NHS: variants seen among roughly 807,000 people sequenced by gnomAD.
The protein encoded by NHS is actin remodeling regulator NHS.
A neutral mutation model predicts 72.5 loss-of-function variants in NHS; 5 were observed. The observed-to-expected ratio is 0.07, with a 90% CI of 0.04 to 0.14. NHS has a LOEUF of 0.14. Ranked by LOEUF, NHS falls within the 10% of genes least tolerant of loss-of-function variation. The pLI, the probability that NHS is intolerant of heterozygous loss-of-function variation, is 1.00. For synonymous variants in NHS, 464 were observed against 547.7 expected, an observed-to-expected ratio of 0.85 and a Z score of 2.13; for missense variants, 1,072 against 1,355.7, an observed-to-expected ratio of 0.79 and a Z score of 3.29.
intron 1 of NHS, among the ~76,000 whole-genome samples, chrX:17,447,598 A>G (rs2064786969): frequency 9.0e-6 from 1 of 111,562 alleles, no homozygotes; most frequent in Non-Finnish European, 1.9e-5. Context: ...ACTAATGATG[A>G]GGAAAAGGAA....
intron 1 of NHS, among the ~76,000 whole-genome samples, chrX:17,531,799 T>G (rs1461854067): frequency 8.9e-6 from 1 of 112,768 alleles, no homozygotes; most frequent in Non-Finnish European, 1.9e-5. Flanking sequence ...ACCTGCTTAG[T>G]GCCTCAGCAT....
intron 1 of NHS, among the ~76,000 whole-genome samples, chrX:17,487,813 C>A (rs182478636): frequency 1.8e-5 from 2 of 111,706 alleles, no homozygotes; most frequent in South Asian, 3.8e-4. Context: ...TTTCAGGATC[C>A]AAAGCCCCCA....
chrX:17,709,376 T>G (rs917757011), intron 3 of NHS, among the ~76,000 whole-genome samples: 1 of 111,485 alleles, frequency 9.0e-6, no homozygotes, highest in Non-Finnish European at 1.9e-5. Context: ...CATTGTCATC[T>G]TGACACCCCA....
chrX:17,591,151 C>T (rs1403022597), intron 1 of NHS, among the ~76,000 whole-genome samples: 1 of 111,799 alleles, frequency 8.9e-6, no homozygotes, highest in Non-Finnish European at 1.9e-5. Context: ...CTCCTGAATA[C>T]ATCAAGTCCC....
chrX:17,541,767 AACAC>A (rs57700886), intron 1 of NHS, among the ~76,000 whole-genome samples: 712 of 62,873 alleles, frequency 0.011, 2 homozygotes, highest in East Asian at 0.03. Context: ...TGAGTTTGCG[AACAC>A]ACACACACAC....
At chrX:17,592,391 CT>C (rs1411300586) in intron 1 of NHS, among the ~76,000 whole-genome samples, 1 of 111,841 alleles carries the variant, frequency 8.9e-6, no homozygotes, top group Non-Finnish European at 1.9e-5. Flanking sequence ...AACTTACCCC[CT>C]GGGTATTCTA....
At chrX:17,466,703 C>T (rs994248970) in intron 1 of NHS, among the ~76,000 whole-genome samples, 9 of 111,775 alleles carry the variant, frequency 8.1e-5, no homozygotes, top group Non-Finnish European at 1.7e-4. Context: ...TTGTTATTAT[C>T]ACCTCAGAGG....
Position 17,726,755 on chromosome X carries a change from C to G in NHS, c.2649C>G (p.His883Gln). The G allele has an allele frequency of 8.2e-7, 1 of 1,212,131 alleles. No homozygotes were observed. Among genetic ancestry groups the G allele is most frequent in the Non-Finnish European group, 1.1e-6 (1 of 895,596 alleles). ...PKISSGQHLP[H>Q]SSREMKLPLD... Reference sequence around the variant, plus strand: ...TAAGCAGTGGTCAGCACCTGCCTCACAGTTCCAGGGAAATGAAGCTGCCTC... The same window carrying G: ...TAAGCAGTGGTCAGCACCTGCCTCAGAGTTCCAGGGAAATGAAGCTGCCTC... Residue 883 changes from histidine to glutamine, a missense_variant, in exon 7 of 9, where the codon CAC (histidine) becomes CAG (glutamine). Physicochemically the swap from His to Gln is conservative, Grantham distance 24. Coordinates refer to ENST00000676302, the MANE Select transcript of NHS (RefSeq NM_001291867.2).
In NHS at chrX:17,392,507, G is replaced by T. The variant is rs2064449899; in HGVS notation, c.565+16185G>T. 2.7e-5 allele frequency among the ~76,000 whole-genome samples: 3 copies of T among 112,067 alleles called. No individual in the cohort carries two copies. In the South Asian group the frequency reaches 1.1e-3, roughly 41 times the overall value. ...AATAAAGGATGTACTAAACTGCAGA[G>T]TTTTCTTTTTTGAGAGATACAGAAT... On this transcript the variant is annotated intron_variant, in intron 1 of 8. Coordinates refer to ENST00000676302, the MANE Select transcript of NHS (RefSeq NM_001291867.2).
At chrX:17,615,676 A>G (rs1181742913) in intron 1 of NHS, among the ~76,000 whole-genome samples, 1 of 110,444 alleles carries the variant, frequency 9.1e-6, no homozygotes, top group Admixed American at 9.7e-5. Context: ...TTCAAACCTC[A>G]TCTGTCAGGA....
intron 1 of NHS, among the ~76,000 whole-genome samples, chrX:17,679,859 AG>A (rs138011299): frequency 0.16 from 12,828 of 77,947 alleles, 1,313 homozygotes; most frequent in African/African-American, 0.33. Flanking sequence ...GAATGAAGAA[AG>A]GGGGGGGGGG....
chrX:17,425,721 C>T (rs1211966166), intron 1 of NHS, among the ~76,000 whole-genome samples: 1 of 109,888 alleles, frequency 9.1e-6, no homozygotes, highest in Non-Finnish European at 1.9e-5. Flanking sequence ...TCACATATCA[C>T]CTTGGAAACT....
intron 1 of NHS, among the ~76,000 whole-genome samples, chrX:17,512,638 A>G (rs7051308): frequency 2.7e-5 from 3 of 111,479 alleles, no homozygotes; most frequent in Non-Finnish European, 5.7e-5. Flanking sequence ...TTCAGACAAA[A>G]TGGCACATAA....
intron 1 of NHS, among the ~76,000 whole-genome samples, chrX:17,642,189 G>A (rs773627679): frequency 5.9e-4 from 66 of 112,029 alleles, no homozygotes; most frequent in African/African-American, 2.0e-3. Context: ...CTCGTGATCC[G>A]CCCTCCTCGG....
chrX:17,416,819 T>TGAGAGA (rs576288851), intron 1 of NHS, among the ~76,000 whole-genome samples: 2 of 98,194 alleles, frequency 2.0e-5, no homozygotes, highest in African/African-American at 7.9e-5. Flanking sequence ...TGTGTGTGTG[T>TGAGAGA]GAGAGAGAGA....
intron 1 of NHS, among the ~76,000 whole-genome samples, chrX:17,651,542 C>G (rs993736695): frequency 1.8e-5 from 2 of 112,080 alleles, no homozygotes; most frequent in African/African-American, 6.5e-5. Flanking sequence ...GGTACCTAGG[C>G]TCTTCCCATC....
chrX:17,537,661 G>C (rs1162398533), intron 1 of NHS, among the ~76,000 whole-genome samples: 1 of 112,302 alleles, frequency 8.9e-6, no homozygotes, highest in Non-Finnish European at 1.9e-5. Context: ...GTCTGGCCTA[G>C]CAGTGACAGG....
chrX:17,699,919 C>T (rs2066252205), intron 3 of NHS, among the ~76,000 whole-genome samples: 1 of 111,700 alleles, frequency 9.0e-6, no homozygotes, highest in Non-Finnish European at 1.9e-5. Context: ...AACATTTTTG[C>T]ATGCCCAAAC....
At chrX:17,421,226 CGTGTGT>C (rs773736556) in intron 1 of NHS, among the ~76,000 whole-genome samples, 1 of 99,691 alleles carries the variant, frequency 1.0e-5, no homozygotes, top group East Asian at 3.6e-4. Context: ...AGCAGCTCTA[CGTGTGT>C]GTGTGTGTGT....
Sources: gnomAD v4.1 joint callset for allele counts (sites outside exome capture counted in the v4.1 genomes callset) on GRCh38, gnomAD v4.1.1 for gene constraint, MANE v1.5 for transcripts, NCBI Gene and HGNC (gene_info 2026-07-23, HGNC 2026-07-21) for gene names.